Variants in SCARB1 observed in about 807,000 individuals in gnomAD.
The protein encoded by SCARB1 is scavenger receptor class B member 1, also known as CD36 and LIMPII analogous 1.
A neutral mutation model predicts 57.2 loss-of-function variants in SCARB1; 30 were observed. That is an observed-to-expected ratio of 0.52 (90% CI 0.39 to 0.71). The LOEUF (loss-of-function observed/expected upper bound fraction) is 0.71, where lower values mean the gene tolerates loss of function less well. SCARB1 is among the 30% of genes least tolerant of loss of function. SCARB1 has a pLI of 0.00. For synonymous variants in SCARB1, 249 were observed against 268.3 expected (o/e 0.93, Z 0.70); for missense variants, 543 against 671.2 (o/e 0.81, Z 2.11).
chr12:124,779,334 G>C (rs1015856705), intron 12 of SCARB1, among the ~76,000 whole-genome samples: 1 of 152,234 alleles, frequency 6.6e-6, no homozygotes, highest in African/African-American at 2.4e-5. Flanking sequence ...CAGCCACACA[G>C]CAATACACGC....
At chr12:124,826,330 CA>C (rs55809371) in intron 1 of SCARB1, among the ~76,000 whole-genome samples, 3,674 of 78,832 alleles carry the variant, frequency 0.047, 83 homozygotes, top group African/African-American at 0.12. Context: ...GACCCTGTCT[CA>C]AAAAAAAAAA....
intron 12 of SCARB1, among the ~76,000 whole-genome samples, chr12:124,782,008 C>T (rs1278914476): frequency 3.9e-5 from 6 of 152,164 alleles, no homozygotes; most frequent in African/African-American, 1.2e-4. Context: ...CGGGTTCAAG[C>T]GATTCTCCTG....
intron 1 of SCARB1, among the ~76,000 whole-genome samples, chr12:124,833,258 C>T (rs1319531722): frequency 4.0e-5 from 6 of 151,060 alleles, no homozygotes; most frequent in South Asian, 2.1e-4. Context: ...GGTGTGATCA[C>T]GGCTTACTGC....
intron 1 of SCARB1, among the ~76,000 whole-genome samples, chr12:124,845,080 G>A (rs945964676): frequency 2.0e-5 from 3 of 152,068 alleles, no homozygotes; most frequent in African/African-American, 7.2e-5. Flanking sequence ...CACAGAGGAT[G>A]GGCGCAGGGG....
chr12:124,848,076 G>A (rs905991264), intron 1 of SCARB1, among the ~76,000 whole-genome samples: 2 of 152,008 alleles, frequency 1.3e-5, no homozygotes, highest in Non-Finnish European at 2.9e-5. Context: ...TGCAACCTTG[G>A]ATTCAAAAAA....
chr12:124,862,797 C>T (rs1041603791), intron 1 of SCARB1, among the ~76,000 whole-genome samples: 52 of 152,316 alleles, frequency 3.4e-4, no homozygotes, highest in African/African-American at 1.3e-3. Context: ...CACCCAGGCA[C>T]CCAGGGCAGA....
chr12:124,813,029 C>T (rs1454371833), intron 4 of SCARB1, among the ~76,000 whole-genome samples: 9 of 152,092 alleles, frequency 5.9e-5, no homozygotes, highest in Admixed American at 5.9e-4. Flanking sequence ...GGACGGAGAG[C>T]ATCAGAAACT....
rs181397766 is a variant in SCARB1 at position 124,792,380 on chromosome 12, G to A, written c.1202+2815C>T. On this transcript the variant is annotated intron_variant, in intron 9 of 12. Transcript: ENST00000261693. ...GCTGTGCGGCCCAGAGAGGTTGGGTGACCGGTCCACAGGTCACTGGCAGGC... is the reference window on the plus strand; with the variant it reads ...GCTGTGCGGCCCAGAGAGGTTGGGTAACCGGTCCACAGGTCACTGGCAGGC... Among the ~76,000 whole-genome samples, 465 of 152,198 alleles carry A rather than the reference G, an allele frequency of 3.1e-3. 5 individuals carry two copies. Among genetic ancestry groups the A allele is most frequent in the Admixed American group, 0.027 (408 of 15,286 alleles).
At chr12:124,834,102 A>G (rs1951531465) in intron 1 of SCARB1, among the ~76,000 whole-genome samples, 1 of 152,252 alleles carries the variant, frequency 6.6e-6, no homozygotes, top group African/African-American at 2.4e-5. Context: ...GGGCTAAGCC[A>G]GCTTCATCCT....
At chr12:124,779,483 A>G in intron 12 of SCARB1, among the ~76,000 whole-genome samples, 1 of 151,960 alleles carries the variant, frequency 6.6e-6, no homozygotes, top group Admixed American at 6.6e-5. Flanking sequence ...GGACGTGGGG[A>G]GGGGGACGAG....
At chr12:124,854,341 C>G (rs4765626) in intron 1 of SCARB1, among the ~76,000 whole-genome samples, 96,522 of 152,150 alleles carry the variant, frequency 0.63, 30,838 homozygotes, top group African/African-American at 0.69. Flanking sequence ...AAAGGGAATG[C>G]GGACGTCGCC....
intron 7 of SCARB1, among the ~76,000 whole-genome samples, chr12:124,801,127 A>G (rs1197327232): frequency 6.6e-6 from 1 of 152,136 alleles, no homozygotes; most frequent in African/African-American, 2.4e-5. Flanking sequence ...TGAGCCTCAG[A>G]GGTTGAGGCT....
intron 4 of SCARB1, among the ~76,000 whole-genome samples, chr12:124,813,906 C>A (rs1193325544): frequency 6.6e-6 from 1 of 152,190 alleles, no homozygotes; most frequent in Non-Finnish European, 1.5e-5. Flanking sequence ...TACTCCCCAG[C>A]AGCCATGCCC....
At position 124,786,519 on chromosome 12, in the gene SCARB1, G is replaced by A. The variant is rs763504259; in HGVS notation, c.1255-16C>T. ...TGGCCCCGCTCTGAGGAGACAGAAT[G>A]ACAAACACATGAGCTGGGGCCGCAG... On this transcript the variant is annotated splice_polypyrimidine_tract_variant and intron_variant, in intron 10 of 12. Coordinates refer to ENST00000261693, the MANE Select transcript of SCARB1 (RefSeq NM_005505.5). The A allele has an allele frequency of 6.2e-7, 1 of 1,613,780 alleles. No individual in the cohort carries two copies. Among genetic ancestry groups the A allele is most frequent in the South Asian group, 1.1e-5 (1 of 91,074 alleles).
At chr12:124,859,793 G>A (rs7303805) in intron 1 of SCARB1, among the ~76,000 whole-genome samples, 86,487 of 151,974 alleles carry the variant, frequency 0.57, 24,794 homozygotes, top group Admixed American at 0.65. Context: ...AACATAGTGA[G>A]ACCTTGTCTC....
In SCARB1 at chr12:124,807,463, A is replaced by G. The variant is rs1415384598; in HGVS notation, c.1009+298T>C. ...CTCCTAGAGCCTCCAGAAGGAACACAGCCGCCTTGTTCTGAGCGCGGTGAG... is the reference window on the plus strand; with the variant it reads ...CTCCTAGAGCCTCCAGAAGGAACACGGCCGCCTTGTTCTGAGCGCGGTGAG... On this transcript the variant is annotated intron_variant, in intron 7 of 12. Coordinates refer to ENST00000261693, the MANE Select transcript of SCARB1 (RefSeq NM_005505.5). This position sits in a 1 kb window ranked among gnomAD's most constrained non-coding sequence, Gnocchi z 5.3. Among the ~76,000 whole-genome samples the G allele has an allele frequency of 3.9e-5, 6 of 152,190 alleles. No individual in the cohort carries two copies. Among genetic ancestry groups the G allele is most frequent in the Non-Finnish European group, 7.3e-5 (5 of 68,036 alleles).
intron 5 of SCARB1, among the ~76,000 whole-genome samples, chr12:124,811,227 A>C (rs1259614442): frequency 6.6e-6 from 1 of 152,186 alleles, no homozygotes; most frequent in Non-Finnish European, 1.5e-5. Context: ...GGGAGGTGAT[A>C]CTAAGGGCAC....
At chr12:124,785,880 C>T (rs1231806343) in intron 11 of SCARB1, 1 of 608,172 alleles carries the variant, frequency 1.6e-6, no homozygotes, top group Admixed American at 3.2e-5. Context: ...TGGCTCTAAC[C>T]CCTCACAGCT....
At chr12:124,834,193 CA>C (rs1422087523) in intron 1 of SCARB1, among the ~76,000 whole-genome samples, 1 of 152,244 alleles carries the variant, frequency 6.6e-6, no homozygotes, top group African/African-American at 2.4e-5. Flanking sequence ...GGGGTCTTGT[CA>C]AAAGCAGGCC....
Sources: allele counts gnomAD v4.1 joint callset (sites outside exome capture counted in the v4.1 genomes callset), GRCh38; gene constraint gnomAD v4.1.1; non-coding constraint Gnocchi (gnomAD v3.1); transcripts MANE v1.5; gene names NCBI Gene and HGNC (gene_info 2026-07-23, HGNC 2026-07-21).